The following PLG variants were observed in gnomAD, a reference collection of about 807,000 sequenced individuals.
PLG encodes the protein plasmin.
Under a neutral mutation model 104.4 loss-of-function variants are expected in PLG, and 41 were observed. The observed-to-expected ratio is 0.39, with a 90% CI of 0.31 to 0.51. The LOEUF is 0.51. Among genes scored for constraint, PLG ranks in the 20% least tolerant of loss-of-function variants. The probability of loss-of-function intolerance (pLI) is 0.76; values close to 1 mark genes in which losing one functional copy is unlikely to be tolerated. For synonymous variants in PLG, 337 were observed against 357.1 expected, an observed-to-expected ratio of 0.94 and a Z score of 0.63; for missense variants, 891 against 1,003.6, an observed-to-expected ratio of 0.89 and a Z score of 1.52.
Position 160,753,075 on chromosome 6 carries a change from A to G in PLG, c.*14A>G, listed in dbSNP as rs765351054. On this transcript the variant is annotated 3_prime_UTR_variant, in exon 19 of 19. Transcript: ENST00000308192. This position sits in a 1 kb window ranked among gnomAD's most constrained non-coding sequence, Gnocchi z 5.4. ...AGAAATAATTAATTGGACGGGAGAC[A>G]GAGTGACGCACTGACTCACCTAGAG... 1.3e-6 allele frequency: 2 copies of G among 1,517,144 alleles called. No homozygotes were observed. The highest frequency in any genetic ancestry group is 2.3e-5 in the South Asian group (2 of 87,406). 94.0% of individuals were successfully genotyped at this position (1,517,144 alleles called of 1,614,324 possible).
In PLG at chr6:160,722,468, G is replaced by A. The variant is rs772811538; in HGVS notation, c.1157G>A (p.Arg386Gln). 6.3e-5 allele frequency: 102 copies of A among 1,612,528 alleles called. No individual in the cohort carries two copies. In the East Asian group the frequency reaches 1.6e-3, roughly 25 times the overall value. Residue 386 changes from arginine (R) to glutamine (Q), a missense_variant, in exon 10 of 19, where the codon CGA (arginine) becomes CAA (glutamine). This residue lies in a region of PLG where 854 missense variants were observed against 932.1 expected (regional missense o/e 0.92). Coordinates refer to ENST00000308192, the MANE Select transcript of PLG (RefSeq NM_000301.5). Reference protein sequence around the residue: ...DCYHGDGQSYRGTSSTTTTGK... With the variant: ...DCYHGDGQSYQGTSSTTTTGK... ...TACCATGGTGATGGACAGAGCTACC[G>A]AGGCACATCCTCCACCACCACCACA...
Position 160,711,151 on chromosome 6 carries a change from A to G in PLG, c.367A>G (p.Thr123Ala). Residue 123 changes from threonine (T) to alanine (A), a missense_variant, in exon 4 of 19, where the codon ACC (threonine) becomes GCC (alanine). Transcript: ENST00000308192. ...GATGTCCAAAACAAAAAATGGCATC[A>G]CCTGTCAAAAATGGAGTTCCACTTC... ...GTMSKTKNGI[T>A]CQKWSSTSPH... 6.2e-7 allele frequency: 1 copy of G among 1,612,612 alleles called. No individual in the cohort carries two copies. Among genetic ancestry groups the G allele is most frequent in the Non-Finnish European group, 8.5e-7 (1 of 1,178,644 alleles).
At chr6:160,709,451 A>C (rs1777595820) in intron 3 of PLG, among the ~76,000 whole-genome samples, 1 of 152,176 alleles carries the variant, frequency 6.6e-6, no homozygotes, top group Non-Finnish European at 1.5e-5. Context: ...AATAAGACCC[A>C]AAGACTTCCC....
At position 160,725,386 on chromosome 6, in the gene PLG, A is replaced by G. The variant is rs1355781947; in HGVS notation, c.1256+2819A>G. On this transcript the variant is annotated intron_variant, in intron 10 of 18. Coordinates refer to ENST00000308192, the MANE Select transcript of PLG (RefSeq NM_000301.5). This position sits in a 1 kb window ranked among gnomAD's most constrained non-coding sequence, Gnocchi z 6.3. ...CTGTTCTAAGTTTCTTGCATTATCCATGAAGTTATATAATACACATGGTTG... is the reference window on the plus strand; with the variant it reads ...CTGTTCTAAGTTTCTTGCATTATCCGTGAAGTTATATAATACACATGGTTG... Among the ~76,000 whole-genome samples the G allele has an allele frequency of 6.6e-6, 1 of 152,198 alleles. No individual in the cohort carries two copies. The highest frequency in any genetic ancestry group is 1.5e-5 in the Non-Finnish European group (1 of 68,040).
At chr6:160,747,174 G>A (rs1047329153) in intron 17 of PLG, among the ~76,000 whole-genome samples, 1 of 152,252 alleles carries the variant, frequency 6.6e-6, no homozygotes, top group Non-Finnish European at 1.5e-5. Context: ...GTGTTAAACA[G>A]GGGACCTACA....
At chr6:160,748,979 C>A (rs2115187657) in intron 17 of PLG, among the ~76,000 whole-genome samples, 1 of 152,314 alleles carries the variant, frequency 6.6e-6, no homozygotes, top group East Asian at 1.9e-4. Context: ...GGACGCAGGA[C>A]CACACTCATA....
Position 160,736,278 on chromosome 6 carries a change from C to A in PLG, c.1682-609C>A, listed in dbSNP as rs4252193. Reference sequence around the variant, plus strand: ...AAGTCATATGTTTAAGTCACCCCCACGGCCGTTGGTTAGTCATGGGAGGCT... The same window carrying A: ...AAGTCATATGTTTAAGTCACCCCCAAGGCCGTTGGTTAGTCATGGGAGGCT... On this transcript the variant is annotated intron_variant, in intron 13 of 18. Coordinates refer to ENST00000308192, the MANE Select transcript of PLG (RefSeq NM_000301.5). The surrounding 1 kb of genome is among the most constrained non-coding windows in gnomAD (Gnocchi z 5.2). 6.6e-6 allele frequency among the ~76,000 whole-genome samples: 1 copy of A among 152,106 alleles called. No individual in the cohort carries two copies. Among genetic ancestry groups the A allele is most frequent in the African/African-American group, 2.4e-5 (1 of 41,356 alleles).
At position 160,734,071 on chromosome 6, in the gene PLG, G is replaced by A. The variant is rs1778048436; in HGVS notation, c.1664G>A (p.Cys555Tyr). Residue 555 changes from cysteine (C) to tyrosine (Y), a missense_variant, in exon 13 of 19, where the codon TGT becomes TAT. By Grantham distance (194) the Cys-to-Tyr change is radical (BLOSUM62 -2). Coordinates refer to ENST00000308192, the MANE Select transcript of PLG (RefSeq NM_000301.5). The surrounding 1 kb of genome is among the most constrained non-coding windows in gnomAD (Gnocchi z 4.4). ...AATCCAAGAAAACTTTACGACTACTGTGATGTCCCTCAGTGTGGTAGGTTG... is the reference window on the plus strand; with the variant it reads ...AATCCAAGAAAACTTTACGACTACTATGATGTCCCTCAGTGTGGTAGGTTG... The part of the protein sequence containing the change: ...TTNPRKLYDY[C>Y]DVPQCAAPSF... 1 of 1,598,506 alleles carries A rather than the reference G, an allele frequency of 6.3e-7. No individual in the cohort carries two copies. The highest frequency in any genetic ancestry group is 8.6e-7 in the Non-Finnish European group (1 of 1,166,232).
chr6:160,721,229 A>G (rs768368000), intron 9 of PLG, among the ~76,000 whole-genome samples: 3 of 152,142 alleles, frequency 2.0e-5, no homozygotes, highest in South Asian at 4.1e-4. Flanking sequence ...GGATTGCTTT[A>G]TTATTCAACA....
At chr6:160,715,370 C>T (rs1365315080) in intron 6 of PLG, among the ~76,000 whole-genome samples, 1 of 152,138 alleles carries the variant, frequency 6.6e-6, no homozygotes, top group Admixed American at 6.5e-5. Context: ...TAACCTTTGA[C>T]CTATGAGCAG....
In PLG at chr6:160,726,214, G is replaced by C. The variant is rs1283479188; in HGVS notation, c.1256+3647G>C. The stretch of plus-strand genomic sequence containing the variant: ...TGTGGGCCTACAGCAAGTCTTAATA[G>C]ATTGAAAAGAATTAAAATGATACAG... On this transcript the variant is annotated intron_variant, in intron 10 of 18. Coordinates refer to ENST00000308192, the MANE Select transcript of PLG (RefSeq NM_000301.5). This position sits in a 1 kb window ranked among gnomAD's most constrained non-coding sequence, Gnocchi z 4.4. Among the ~76,000 whole-genome samples, 1 of 152,056 alleles carries C rather than the reference G, an allele frequency of 6.6e-6. No individual in the cohort carries two copies. Among genetic ancestry groups the C allele is most frequent in the Admixed American group, 6.6e-5 (1 of 15,266 alleles).
intron 10 of PLG, chr6:160,730,821 A>G (rs932326970): frequency 4.3e-6 from 2 of 462,204 alleles, no homozygotes; most frequent in Non-Finnish European, 7.9e-6. Context: ...TTTTATATGG[A>G]GCATATACTA....
chr6:160,747,194 G>A (rs1778291143), intron 17 of PLG, among the ~76,000 whole-genome samples: 1 of 152,256 alleles, frequency 6.6e-6, no homozygotes, highest in Non-Finnish European at 1.5e-5. Context: ...AACTGGGGGA[G>A]AGGCGGACAG....
intron 6 of PLG, among the ~76,000 whole-genome samples, chr6:160,715,698 G>A (rs1777715871): frequency 6.6e-6 from 1 of 152,148 alleles, no homozygotes; most frequent in Non-Finnish European, 1.5e-5. Context: ...ATTCCACGGT[G>A]GAAAGCAGCT....
At position 160,736,939 on chromosome 6, in the gene PLG, T is replaced by C. The variant is rs1229396787; in HGVS notation, c.1734T>C (p.Pro578=). 3 of 1,613,940 alleles carry C rather than the reference T, an allele frequency of 1.9e-6. No individual in the cohort carries two copies. Among genetic ancestry groups the C allele is most frequent in the Admixed American group, 3.3e-5 (2 of 60,006 alleles). ...GKPQVEPKKC[P]GRVVGGCVAH... The stretch of plus-strand genomic sequence containing the variant: ...CTCAAGTGGAGCCGAAGAAATGTCC[T>C]GGAAGGGTTGTAGGGGGGTGTGTGG... The change falls in exon 14 of 19, where the codon CCT becomes CCC. Residue 578 remains proline, a synonymous_variant. Coordinates refer to ENST00000308192, the MANE Select transcript of PLG (RefSeq NM_000301.5). This position sits in a 1 kb window ranked among gnomAD's most constrained non-coding sequence, Gnocchi z 5.2.
chr6:160,727,964 A>G (rs1359881795), intron 10 of PLG, among the ~76,000 whole-genome samples: 1 of 151,944 alleles, frequency 6.6e-6, no homozygotes, highest in African/African-American at 2.4e-5. Context: ...AAAAGAGAGG[A>G]AAAAAAGGAA....
Position 160,714,856 on chromosome 6 carries a change from C to T in PLG, c.610C>T (p.Leu204=). 1 of 1,612,606 alleles carries T rather than the reference C, an allele frequency of 6.2e-7. No homozygotes were observed. Among genetic ancestry groups the T allele is most frequent in the Non-Finnish European group, 8.5e-7 (1 of 1,178,636 alleles). The change falls in exon 6 of 19, where the codon CTG becomes TTG. Residue 204 remains leucine (L), a synonymous_variant. Transcript: ENST00000308192. ...DGKISKTMSG[L]ECQAWDSQSP... ...CAAAATTTCCAAGACCATGTCTGGA[C>T]TGGAATGCCAGGCCTGGGACTCTCA...
chr6:160,744,038 A>G lies in PLG; in HGVS notation c.2125+2621A>G, dbSNP rs1778239137. On this transcript the variant is annotated intron_variant, in intron 17 of 18. Transcript: ENST00000308192. This position sits in a 1 kb window ranked among gnomAD's most constrained non-coding sequence, Gnocchi z 4.5. ...TTGATCACGATGGATTGGCTTTTTTATGTGCTGCTGGATTTGGTTTGCAAG... is the reference window on the plus strand; with the variant it reads ...TTGATCACGATGGATTGGCTTTTTTGTGTGCTGCTGGATTTGGTTTGCAAG... 6.6e-6 allele frequency among the ~76,000 whole-genome samples: 1 copy of G among 152,134 alleles called. No individual in the cohort carries two copies. Among genetic ancestry groups the G allele is most frequent in the Non-Finnish European group, 1.5e-5 (1 of 68,024 alleles).
chr6:160,717,730 G>C (rs1213734134), intron 7 of PLG, among the ~76,000 whole-genome samples: 1 of 152,174 alleles, frequency 6.6e-6, no homozygotes, highest in African/African-American at 2.4e-5. Context: ...AGGAAGAACT[G>C]AGCAAAGAGA....
Sources: allele counts gnomAD v4.1 joint callset (sites outside exome capture counted in the v4.1 genomes callset), GRCh38; gene constraint gnomAD v4.1.1; regional missense constraint gnomAD v4.1.1; non-coding constraint Gnocchi (gnomAD v3.1); transcripts MANE v1.5; gene names NCBI Gene and HGNC (gene_info 2026-07-23, HGNC 2026-07-21).